The following NSMAF variants were observed in gnomAD, a reference collection of about 807,000 sequenced individuals.
The protein encoded by NSMAF is protein FAN.
In NSMAF, 90 loss-of-function variants were observed where a neutral mutation model predicts 134.9. The ratio of observed to expected loss-of-function variants is 0.67; its 90% CI spans 0.56 to 0.79. The LOEUF (loss-of-function observed/expected upper bound fraction) is 0.79. Among genes scored for constraint, NSMAF ranks in the 30% least tolerant of loss-of-function variants. The probability of loss-of-function intolerance (pLI) is 0.00; values close to 1 mark genes in which losing one functional copy is unlikely to be tolerated. For missense variants in NSMAF, 1,010 were observed against 1,119.0 expected (o/e 0.90, Z 1.39); for synonymous variants, 358 against 389.6 (o/e 0.92, Z 0.96).
chr8:58,629,545 T>C (rs1436251509), intron 6 of NSMAF, among the ~76,000 whole-genome samples: 1 of 152,216 alleles, frequency 6.6e-6, no homozygotes, highest in Non-Finnish European at 1.5e-5. Flanking sequence ...TGAAAATTTA[T>C]TTTGTACCTC....
At chr8:58,642,317 A>T (rs1401426436) in intron 2 of NSMAF, among the ~76,000 whole-genome samples, 28 of 152,248 alleles carry the variant, frequency 1.8e-4, no homozygotes, top group Non-Finnish European at 1.5e-5. Flanking sequence ...AACAATTTTC[A>T]TCTTAGTTAA....
Position 58,605,919 on chromosome 8 carries a change from C to A in NSMAF, c.868+8G>T. The A allele has an allele frequency of 6.5e-7, 1 of 1,545,370 alleles. No homozygotes were observed. The highest frequency in any genetic ancestry group is 8.7e-7 in the Non-Finnish European group (1 of 1,154,596). ...AAAGAAAGAAACAATGAAGGGTGAG[C>A]GCCAAACCTAGGTATGTGGCAATGT... is the stretch of plus-strand genomic sequence containing the variant. On this transcript the variant is annotated splice_region_variant and intron_variant, in intron 12 of 30. Transcript: ENST00000038176.
At chr8:58,620,167 A>G (rs1401108906) in intron 9 of NSMAF, among the ~76,000 whole-genome samples, 1 of 152,202 alleles carries the variant, frequency 6.6e-6, no homozygotes, top group African/African-American at 2.4e-5. Context: ...ACTCTCTTGG[A>G]CCCTATAGAG....
At chr8:58,647,052 C>G (rs970342416) in intron 1 of NSMAF, among the ~76,000 whole-genome samples, 2 of 152,240 alleles carry the variant, frequency 1.3e-5, no homozygotes, top group Non-Finnish European at 2.9e-5. Context: ...CAACACTCAG[C>G]TGATGAACAG....
At chr8:58,585,461 T>A (rs1330217630) in intron 30 of NSMAF, among the ~76,000 whole-genome samples, 191 bp downstream of exon 30, 1 of 152,082 alleles carries the variant, frequency 6.6e-6, no homozygotes, top group Non-Finnish European at 1.5e-5. Flanking sequence ...GCTGTTAACA[T>A]AAATCTAAAT....
In NSMAF at chr8:58,621,652, T is replaced by A. The variant is rs189148101; in HGVS notation, c.557+1568A>T. Among the ~76,000 whole-genome samples the A allele has an allele frequency of 1.1e-3, 172 of 152,326 alleles. 2 individuals are homozygous for A. Among genetic ancestry groups the A allele is most frequent in the Non-Finnish European group, 1.9e-3 (127 of 68,024 alleles). ...TGAGTAATAGCCATTCAAAATTTAC[T>A]AAATTTTTAAAATAATAGCCATTCT... is the stretch of plus-strand genomic sequence containing the variant. On this transcript the variant is annotated intron_variant, in intron 9 of 30. Coordinates refer to ENST00000038176, the MANE Select transcript of NSMAF (RefSeq NM_003580.4).
intron 12 of NSMAF, among the ~76,000 whole-genome samples, chr8:58,604,948 T>C (rs1806370425): frequency 6.6e-6 from 1 of 152,176 alleles, no homozygotes; most frequent in African/African-American, 2.4e-5. Context: ...TCAAGCCATG[T>C]TGCCCAGGCT....
chr8:58,656,747 G>A (rs1046550086), intron 1 of NSMAF, among the ~76,000 whole-genome samples: 6 of 152,076 alleles, frequency 3.9e-5, no homozygotes, highest in East Asian at 3.9e-4. Context: ...GGAGAATGGC[G>A]TGAACCCAGG....
intron 2 of NSMAF, chr8:58,640,166 CAG>C (rs911817363): frequency 1.1e-5 from 5 of 437,712 alleles, no homozygotes; most frequent in Non-Finnish European, 2.3e-5. Context: ...GAAATTGGCT[CAG>C]AGAGTAGATC....
At chr8:58,643,703 G>A (rs1807384283) in intron 1 of NSMAF, among the ~76,000 whole-genome samples, 1 of 152,016 alleles carries the variant, frequency 6.6e-6, no homozygotes, top group African/African-American at 2.4e-5. Context: ...GGCTAATTTT[G>A]TATTTTTAGT....
rs1289781807 is a variant in NSMAF at position 58,659,764 on chromosome 8, C to T, written c.-133G>A. The T allele has an allele frequency of 1.3e-5, 8 of 622,566 alleles. No homozygotes were observed. Among genetic ancestry groups the T allele is most frequent in the Non-Finnish European group, 1.8e-5 (8 of 444,248 alleles). The allele number at this position is 622,566 out of a possible 1,614,324, so 38.6% of individuals were successfully genotyped here. A position where few individuals can be genotyped will look rare whatever the true frequency, so the allele number is the denominator to read the frequency against. On this transcript the variant is annotated 5_prime_UTR_variant, in exon 1 of 31. Coordinates refer to ENST00000038176, the MANE Select transcript of NSMAF (RefSeq NM_003580.4). ...CGCGCGGCTGCCGGCCTGGCTTCCCCTGCGGCGCCGCTGGGCGGCCGAGAG... is the reference window on the plus strand; with the variant it reads ...CGCGCGGCTGCCGGCCTGGCTTCCCTTGCGGCGCCGCTGGGCGGCCGAGAG...
At chr8:58,597,576 A>G in intron 20 of NSMAF, 26 bp from the exon 21 acceptor site, 1 of 1,610,852 alleles carries the variant, frequency 6.2e-7, no homozygotes, top group Non-Finnish European at 8.5e-7. Flanking sequence ...CAAATAATGC[A>G]GTGAACCACT....
chr8:58,605,896 A>AT, intron 12 of NSMAF, 31 bp downstream of exon 12: 1 of 1,514,608 alleles, frequency 6.6e-7, no homozygotes, highest in Non-Finnish European at 8.8e-7. Context: ...AAAAAAAAAA[A>AT]GAAAGAAACA....
chr8:58,593,596 C>G (rs2060665604), intron 23 of NSMAF, among the ~76,000 whole-genome samples: 1 of 152,090 alleles, frequency 6.6e-6, no homozygotes, highest in Admixed American at 6.6e-5. Flanking sequence ...ACACAGTGCT[C>G]TCAACATGAC....
At chr8:58,606,510 G>A (rs1585737476) in intron 11 of NSMAF, among the ~76,000 whole-genome samples, 1 of 152,110 alleles carries the variant, frequency 6.6e-6, no homozygotes, top group African/African-American at 2.4e-5. Flanking sequence ...CAAACTCCCA[G>A]GCTCAATTGA....
intron 9 of NSMAF, among the ~76,000 whole-genome samples, chr8:58,618,282 A>T (rs1327675278): frequency 6.6e-6 from 1 of 152,200 alleles, no homozygotes; most frequent in Non-Finnish European, 1.5e-5. Flanking sequence ...GCACTTCTGC[A>T]CATGTACCCT....
chr8:58,646,714 T>G (rs997223594), intron 1 of NSMAF, among the ~76,000 whole-genome samples: 3 of 152,164 alleles, frequency 2.0e-5, no homozygotes, highest in African/African-American at 7.2e-5. Flanking sequence ...TCAAACTACA[T>G]TTTACGGAGT....
intron 9 of NSMAF, among the ~76,000 whole-genome samples, chr8:58,613,180 T>A (rs901954): frequency 0.48 from 72,296 of 151,936 alleles, 18,621 homozygotes; most frequent in Admixed American, 0.61. Context: ...TTAAAAATAT[T>A]TTTTAGTATT....
At position 58,635,510 on chromosome 8, in the gene NSMAF, C is replaced by T. The variant is rs1350603586; in HGVS notation, c.186G>A (p.Ser62=). The T allele has an allele frequency of 1.9e-6, 3 of 1,604,948 alleles. No individual in the cohort carries two copies. Among genetic ancestry groups the T allele is most frequent in the Admixed American group, 1.7e-5 (1 of 57,964 alleles). ...IRGSLKICSK[S]VIFEPDSISQ... is the part of the protein sequence containing the mutation. ...ATATTGAATCTGGTTCAAAAATCAC[C>T]GATTTTGAACATATTTTTAAGGAGC... Residue 62 remains serine (S), a synonymous_variant, in exon 3 of 31, where the codon TCG becomes TCA. Transcript: ENST00000038176.
Sources: gnomAD v4.1 joint callset for allele counts (sites outside exome capture counted in the v4.1 genomes callset) on GRCh38, gnomAD v4.1.1 for gene constraint, MANE v1.5 for transcripts, NCBI Gene and HGNC (gene_info 2026-07-23, HGNC 2026-07-21) for gene names.